Variants in RBFOX1 observed in about 807,000 individuals in gnomAD.
RBFOX1 encodes RNA binding fox-1 homolog 1.
In RBFOX1, 8 loss-of-function variants were observed where a neutral mutation model predicts 57.7. The observed-to-expected ratio is 0.14, with a 90% CI of 0.08 to 0.25. RBFOX1 has a LOEUF of 0.25. Ranked by LOEUF, RBFOX1 falls within the 10% of genes least tolerant of loss-of-function variation. The pLI is 1.00. For synonymous variants in RBFOX1, 326 were observed against 222.4 expected (o/e 1.47, Z -4.15); for missense variants, 611 against 548.5 (o/e 1.11, Z -1.14).
intron 1 of RBFOX1, among the ~76,000 whole-genome samples, chr16:6,141,076 G>C (rs2096712268): frequency 6.6e-6 from 1 of 152,146 alleles, no homozygotes; most frequent in South Asian, 2.1e-4. Context: ...TTAATTCTCT[G>C]TGTCCATCCC....
intron 2 of RBFOX1, among the ~76,000 whole-genome samples, chr16:6,444,157 C>G (rs2094440772): frequency 1.3e-5 from 2 of 152,050 alleles, no homozygotes; most frequent in South Asian, 4.1e-4. Context: ...CGGTTGAAGT[C>G]AGGTGTGTTT....
At chr16:5,779,365 A>G (rs1034684123) in intron 3 of RBFOX1, among the ~76,000 whole-genome samples, 5 of 152,178 alleles carry the variant, frequency 3.3e-5, no homozygotes, top group African/African-American at 9.6e-5. Context: ...TGAACCTAGC[A>G]CGAAAGCATT....
intron 14 of RBFOX1, chr16:7,693,168 ACT>A (rs2077750563): frequency 4.8e-6 from 3 of 629,536 alleles, no homozygotes; most frequent in Non-Finnish European, 8.7e-6. Flanking sequence ...ATCTTTCTAA[ACT>A]CTGAGGTACA....
At chr16:7,455,016 G>C (rs943563916) in intron 4 of RBFOX1, among the ~76,000 whole-genome samples, 2 of 152,282 alleles carry the variant, frequency 1.3e-5, no homozygotes, top group East Asian at 1.9e-4. Flanking sequence ...TTCATTTATT[G>C]ATTTGTTCAA....
chr16:7,342,586 A>G (rs1318154452), intron 4 of RBFOX1, among the ~76,000 whole-genome samples: 1 of 152,142 alleles, frequency 6.6e-6, no homozygotes, highest in African/African-American at 2.4e-5. Context: ...GGAAAGGAGA[A>G]TGTTTACACT....
At chr16:7,319,769 G>C (rs1171374413) in intron 4 of RBFOX1, among the ~76,000 whole-genome samples, 4 of 152,102 alleles carry the variant, frequency 2.6e-5, no homozygotes, top group East Asian at 1.9e-4. Context: ...TTTGGGATCG[G>C]GCAGGTGTGG....
chr16:6,058,691 A>C (rs1425019177), intron 1 of RBFOX1, among the ~76,000 whole-genome samples: 2 of 144,916 alleles, frequency 1.4e-5, no homozygotes, highest in African/African-American at 5.1e-5. Context: ...CAATCCATTC[A>C]CTCATCCATA....
intron 4 of RBFOX1, among the ~76,000 whole-genome samples, chr16:7,325,371 T>C (rs1350777538): frequency 6.6e-6 from 1 of 152,116 alleles, no homozygotes; most frequent in African/African-American, 2.4e-5. Flanking sequence ...TTTAATGTGG[T>C]CTATGTGGTT....
intron 11 of RBFOX1, among the ~76,000 whole-genome samples, chr16:7,639,089 T>C (rs2143015292): frequency 6.6e-6 from 1 of 152,300 alleles, no homozygotes; most frequent in African/African-American, 2.4e-5. Flanking sequence ...TTGACTTAAA[T>C]TTGATCAAGA....
intron 3 of RBFOX1, among the ~76,000 whole-genome samples, chr16:5,621,730 C>T (rs2151282753): frequency 6.6e-6 from 1 of 152,192 alleles, no homozygotes; most frequent in East Asian, 1.9e-4. Context: ...AAAGATGTTG[C>T]CCCACCCTTA....
intron 1 of RBFOX1, among the ~76,000 whole-genome samples, chr16:5,448,339 G>A (rs1224613419): frequency 2.0e-5 from 3 of 152,234 alleles, no homozygotes; most frequent in Admixed American, 1.3e-4. Context: ...AGGAAACACC[G>A]TCTGTGTTCC....
chr16:7,460,807 C>T lies in RBFOX1; in HGVS notation c.28-57340C>T, dbSNP rs1252266781. Among the ~76,000 whole-genome samples, 3 of 152,116 alleles carry T rather than the reference C, an allele frequency of 2.0e-5. No individual in the cohort carries two copies. In the East Asian group the frequency reaches 5.8e-4, roughly 29 times the overall value. On this transcript the variant is annotated intron_variant, in intron 4 of 15. Transcript: ENST00000550418. The stretch of plus-strand genomic sequence containing the variant: ...TGAAGAAAAAGAAATTATTAGGTTC[C>T]CAAAACTGCATTTCCAGCCTCCCTC...
intron 4 of RBFOX1, among the ~76,000 whole-genome samples, chr16:7,065,592 T>G (rs1474566174): frequency 6.6e-6 from 1 of 152,216 alleles, no homozygotes; most frequent in Non-Finnish European, 1.5e-5. Context: ...GTGTACATTG[T>G]GAAATGGCTA....
chr16:5,250,559 G>C (rs557491964), intron 1 of RBFOX1, among the ~76,000 whole-genome samples: 1 of 152,154 alleles, frequency 6.6e-6, no homozygotes, highest in African/African-American at 2.4e-5. Context: ...TTTTTCCTCT[G>C]TGCACGCAAG....
At chr16:6,249,279 C>G (rs536417913) in intron 1 of RBFOX1, among the ~76,000 whole-genome samples, 2 of 152,278 alleles carry the variant, frequency 1.3e-5, no homozygotes, top group South Asian at 4.1e-4. Flanking sequence ...ATAATCCCAG[C>G]ACTTTGGGAG....
At chr16:7,235,716 T>C (rs1192298811) in intron 4 of RBFOX1, among the ~76,000 whole-genome samples, 1 of 152,198 alleles carries the variant, frequency 6.6e-6, no homozygotes, top group African/African-American at 2.4e-5. Context: ...TGTCTCTTTT[T>C]TCCTGCCTTG....
chr16:6,052,644 C>T (rs1284369863), intron 1 of RBFOX1, among the ~76,000 whole-genome samples: 1 of 151,726 alleles, frequency 6.6e-6, no homozygotes, highest in South Asian at 2.1e-4. Flanking sequence ...ATTAGACTGG[C>T]GCGGTGGCGG....
intron 4 of RBFOX1, among the ~76,000 whole-genome samples, chr16:7,371,697 C>T (rs1013596979): frequency 6.6e-6 from 1 of 152,180 alleles, no homozygotes; most frequent in African/African-American, 2.4e-5. Flanking sequence ...TTGCAGTGAG[C>T]TGAGATCACG....
intron 5 of RBFOX1, among the ~76,000 whole-genome samples, chr16:7,576,695 A>C (rs2093365308): frequency 6.6e-6 from 1 of 152,236 alleles, no homozygotes; most frequent in South Asian, 2.1e-4. Flanking sequence ...GAGCGGTATA[A>C]TGCTATTAAT....
Sources: allele counts gnomAD v4.1 joint callset (sites outside exome capture counted in the v4.1 genomes callset), GRCh38; gene constraint gnomAD v4.1.1; transcripts MANE v1.5; gene names NCBI Gene and HGNC (gene_info 2026-07-23, HGNC 2026-07-21).